Variants in ATP13A4 observed in about 807,000 individuals in gnomAD.
ATP13A4 encodes ATPase 13A4, also known as probable cation-transporting ATPase 13A4.
A neutral mutation model predicts 142.5 loss-of-function variants in ATP13A4; 114 were observed. The observed-to-expected ratio is 0.80, with a 90% CI of 0.69 to 0.93. The LOEUF (loss-of-function observed/expected upper bound fraction) is 0.93. ATP13A4 is among the 40% of genes least tolerant of loss of function. The pLI, the probability that ATP13A4 is intolerant of heterozygous loss-of-function variation, is 0.00. For synonymous variants in ATP13A4, 488 were observed against 514.8 expected, an observed-to-expected ratio of 0.95 and a Z score of 0.70; for missense variants, 1,392 against 1,454.0, an observed-to-expected ratio of 0.96 and a Z score of 0.69.
intron 2 of ATP13A4, among the ~76,000 whole-genome samples, chr3:193,573,281 A>ATATATT: frequency 1.0e-5 from 1 of 99,860 alleles, no homozygotes; most frequent in African/African-American, 4.8e-5. Context: ...ATATACATAT[A>ATATATT]TATATATACA....
intron 25 of ATP13A4, among the ~76,000 whole-genome samples, chr3:193,418,024 A>G (rs1715178290): frequency 7.1e-6 from 1 of 140,732 alleles, no homozygotes; most frequent in Non-Finnish European, 1.5e-5. Flanking sequence ...TGGGAGGCTG[A>G]GGCAGGAGAA....
chr3:193,466,583 A>C (rs975295662), intron 10 of ATP13A4, among the ~76,000 whole-genome samples: 1 of 152,214 alleles, frequency 6.6e-6, no homozygotes, highest in Non-Finnish European at 1.5e-5. Flanking sequence ...GCAATGTTAA[A>C]TTTTCAGTTT....
rs1286353442 is a variant in ATP13A4, at chr3:193,401,497, A to G, written c.*1155T>C. Among the ~76,000 whole-genome samples, 1 of 152,166 alleles carries G rather than the reference A, an allele frequency of 6.6e-6. No individual in the cohort carries two copies. Among genetic ancestry groups the G allele is most frequent in the African/African-American group, 2.4e-5 (1 of 41,440 alleles). On this transcript the variant is annotated 3_prime_UTR_variant, in exon 30 of 30. Coordinates refer to ENST00000342695, the MANE Select transcript of ATP13A4 (RefSeq NM_032279.4). ...CAAAAATAATAAAGCAGAGGAGTGA[A>G]AATTTCTGGAGTTGGCCATGTGACA...
At chr3:193,517,403 C>T (rs1355179306) in intron 1 of ATP13A4, among the ~76,000 whole-genome samples, 1 of 152,202 alleles carries the variant, frequency 6.6e-6, no homozygotes, top group Admixed American at 6.5e-5. Context: ...TTAATAATAA[C>T]ACTGGGACAA....
intron 16 of ATP13A4, among the ~76,000 whole-genome samples, chr3:193,454,699 C>A (rs950199093): frequency 6.6e-6 from 1 of 152,164 alleles, no homozygotes; most frequent in African/African-American, 2.4e-5. Flanking sequence ...CTTCCTTACA[C>A]CATATACAAA....
At chr3:193,523,894 C>T (rs1342986598) in intron 1 of ATP13A4, among the ~76,000 whole-genome samples, 1 of 152,072 alleles carries the variant, frequency 6.6e-6, no homozygotes, top group African/African-American at 2.4e-5. Context: ...AGTTCTCTCT[C>T]TCATTAGTTC....
At chr3:193,512,831 C>G (rs1721212047) in intron 2 of ATP13A4, among the ~76,000 whole-genome samples, 1 of 152,164 alleles carries the variant, frequency 6.6e-6, no homozygotes, top group African/African-American at 2.4e-5. Context: ...GTGTCACCTC[C>G]CTAGCCCCAT....
At chr3:193,507,798 T>C (rs1720937102) in intron 2 of ATP13A4, among the ~76,000 whole-genome samples, 1 of 152,106 alleles carries the variant, frequency 6.6e-6, no homozygotes, top group Admixed American at 6.6e-5. Context: ...CAGTCTTTAT[T>C]TCAGAACTTT....
intron 18 of ATP13A4, 62 bp from the exon 19 acceptor site, chr3:193,442,618 C>T (rs141997364): frequency 8.6e-6 from 13 of 1,514,024 alleles, no homozygotes; most frequent in African/African-American, 2.7e-5. Context: ...TCATGCAGAG[C>T]CTTGAAAACC....
At chr3:193,587,012 T>C (rs1305429044) in intron 1 of ATP13A4, among the ~76,000 whole-genome samples, 1 of 152,214 alleles carries the variant, frequency 6.6e-6, no homozygotes, top group African/African-American at 2.4e-5. Context: ...CTTTCAGCAA[T>C]GTTTTGTGGT....
At chr3:193,452,319 C>T (rs1420423414) in intron 17 of ATP13A4, among the ~76,000 whole-genome samples, 1 of 152,104 alleles carries the variant, frequency 6.6e-6, no homozygotes, top group Non-Finnish European at 1.5e-5. Flanking sequence ...TTACTTTTAG[C>T]TCCCTTACTT....
rs1202812514 is a variant in ATP13A4, at chr3:193,448,301, A to G, written c.2057T>C (p.Leu686Pro). ...TCGATTCTCCAAGATCAGCAGCCCC[A>G]GAAATATCAGGTCTGATTCTACCGT... is the stretch of plus-strand genomic sequence containing the variant. ...RETVESDLIF[L>P]GLLILENRLK... The change falls in exon 18 of 30, where the codon CTG becomes CCG. Residue 686 changes from leucine (L) to proline (P), a missense_variant. By Grantham distance (98) the Leu-to-Pro change is moderately conservative. Coordinates refer to ENST00000342695, the MANE Select transcript of ATP13A4 (RefSeq NM_032279.4). 17 of 1,614,190 alleles carry G rather than the reference A, an allele frequency of 1.1e-5. No individual in the cohort carries two copies. The highest frequency in any genetic ancestry group is 1.4e-5 in the Non-Finnish European group (17 of 1,180,034).
intron 1 of ATP13A4, among the ~76,000 whole-genome samples, chr3:193,524,670 T>C (rs1383333339): frequency 1.3e-5 from 2 of 152,230 alleles, no homozygotes; most frequent in African/African-American, 4.8e-5. Flanking sequence ...CTGCCACTTA[T>C]TAATTTTATT....
At chr3:193,568,930 CAAAT>C (rs892320605) in intron 2 of ATP13A4, among the ~76,000 whole-genome samples, 8 of 152,258 alleles carry the variant, frequency 5.3e-5, no homozygotes, top group Admixed American at 1.3e-4. Context: ...AATAAATAAA[CAAAT>C]GGGCGAGAAG....
chr3:193,528,882 TC>T (rs1722158138), intron 1 of ATP13A4, among the ~76,000 whole-genome samples: 2 of 152,218 alleles, frequency 1.3e-5, no homozygotes, highest in Admixed American at 6.5e-5. Context: ...GGTCCATTTT[TC>T]CAGGTCAGTG....
intron 3 of ATP13A4, among the ~76,000 whole-genome samples, chr3:193,495,969 A>G (rs995858303): frequency 3.3e-5 from 5 of 152,214 alleles, no homozygotes; most frequent in Non-Finnish European, 7.3e-5. Context: ...CCCATTGGCA[A>G]TGGCTACAAA....
intron 2 of ATP13A4, among the ~76,000 whole-genome samples, chr3:193,571,615 G>T (rs1374314595): frequency 2.0e-5 from 3 of 152,108 alleles, no homozygotes; most frequent in African/African-American, 7.2e-5. Flanking sequence ...ACCTCTTACA[G>T]TCTTCCTCCC....
chr3:193,405,384 C>T (rs1353834907), intron 29 of ATP13A4, among the ~76,000 whole-genome samples: 1 of 152,166 alleles, frequency 6.6e-6, no homozygotes, highest in Non-Finnish European at 1.5e-5. Context: ...TCATGATGAC[C>T]ATGAGACACA....
At chr3:193,461,800 G>A (rs1020344113) in intron 13 of ATP13A4, among the ~76,000 whole-genome samples, 1 of 152,106 alleles carries the variant, frequency 6.6e-6, no homozygotes. Context: ...ACGGGAGTTC[G>A]TAGTGAGTTG....
Sources: gnomAD v4.1 joint callset for allele counts (sites outside exome capture counted in the v4.1 genomes callset) on GRCh38, gnomAD v4.1.1 for gene constraint, MANE v1.5 for transcripts, NCBI Gene and HGNC (gene_info 2026-07-23, HGNC 2026-07-21) for gene names.